Variants in GRIN3A observed in about 807,000 individuals in gnomAD.
GRIN3A encodes glutamate ionotropic receptor NMDA type subunit 3A.
In GRIN3A, 47 loss-of-function variants were observed where a neutral mutation model predicts 92.4. The observed-to-expected ratio is 0.51, with a 90% CI of 0.40 to 0.65. GRIN3A has a LOEUF of 0.65. GRIN3A is among the 30% of genes least tolerant of loss of function. The probability of loss-of-function intolerance (pLI) is 0.00; values close to 1 mark genes in which losing one functional copy is unlikely to be tolerated. For synonymous variants in GRIN3A, 527 were observed against 540.6 expected (o/e 0.97, Z 0.35); for missense variants, 1,324 against 1,393.1 (o/e 0.95, Z 0.79).
At chr9:101,661,171 C>T (rs766840320) in intron 3 of GRIN3A, among the ~76,000 whole-genome samples, 3 of 151,736 alleles carry the variant, frequency 2.0e-5, no homozygotes, top group African/African-American at 4.8e-5. Context: ...CACTTGAGGC[C>T]GCAGACAGCA....
At chr9:101,600,544 C>T (rs1828197789) in intron 6 of GRIN3A, among the ~76,000 whole-genome samples, 1 of 152,072 alleles carries the variant, frequency 6.6e-6, no homozygotes, top group Admixed American at 6.5e-5. Context: ...CAACAGAAAA[C>T]TTTTACTGGG....
chr9:101,725,014 G>A (rs949058895), intron 1 of GRIN3A, among the ~76,000 whole-genome samples: 3 of 152,204 alleles, frequency 2.0e-5, no homozygotes, highest in Non-Finnish European at 4.4e-5. Flanking sequence ...GAGATGGAAT[G>A]CTTTATTGAA....
At chr9:101,706,824 C>G (rs150340663) in intron 1 of GRIN3A, among the ~76,000 whole-genome samples, 3 of 152,156 alleles carry the variant, frequency 2.0e-5, no homozygotes, top group Admixed American at 1.3e-4. Flanking sequence ...AAATGTGGAA[C>G]GTTGCACACA....
intron 1 of GRIN3A, among the ~76,000 whole-genome samples, chr9:101,694,456 C>T (rs1482526412): frequency 6.6e-6 from 1 of 152,132 alleles, no homozygotes; most frequent in African/African-American, 2.4e-5. Context: ...CTACCTGCAC[C>T]AAGCTTCTAA....
chr9:101,680,075 G>A (rs756959644), intron 2 of GRIN3A, among the ~76,000 whole-genome samples: 1 of 152,214 alleles, frequency 6.6e-6, no homozygotes, highest in Non-Finnish European at 1.5e-5. Flanking sequence ...CTGCAAAGTA[G>A]TAGCTGAATG....
intron 1 of GRIN3A, among the ~76,000 whole-genome samples, chr9:101,700,389 G>A (rs908089867): frequency 1.3e-5 from 2 of 152,092 alleles, no homozygotes; most frequent in Admixed American, 6.6e-5. Flanking sequence ...CCATAAAATC[G>A]TATTCTATCA....
intron 5 of GRIN3A, among the ~76,000 whole-genome samples, chr9:101,614,610 T>A (rs1007026991): frequency 1.2e-5 from 1 of 82,198 alleles, no homozygotes; most frequent in Admixed American, 1.2e-4. Context: ...TATGTGATAC[T>A]TTTTTTTTTT....
chr9:101,614,608 A>AT (rs1564126676), intron 5 of GRIN3A, among the ~76,000 whole-genome samples: 2 of 128,336 alleles, frequency 1.6e-5, no homozygotes, highest in African/African-American at 6.0e-5. Context: ...TATATGTGAT[A>AT]CTTTTTTTTT....
chr9:101,715,495 G>T (rs934938303), intron 1 of GRIN3A, among the ~76,000 whole-genome samples: 1 of 152,142 alleles, frequency 6.6e-6, no homozygotes, highest in Non-Finnish European at 1.5e-5. Flanking sequence ...TGTAACAAAT[G>T]CTAGGATAAA....
rs904396547 is a variant in GRIN3A at position 101,623,544 on chromosome 9, G to A, written c.2499-111C>T. The A allele has an allele frequency of 3.4e-5, 26 of 757,476 alleles. 1 individual carries two copies. The highest frequency in any genetic ancestry group is 3.4e-4 in the Admixed American group (17 of 50,568). The allele number at this position is 757,476 out of a possible 1,614,324, so 46.9% of individuals were successfully genotyped here. ...GGACAGAACCCGAACACTAAGGGCC[G>A]CACAAGCTACCTAGGTGCTGACTTA... On this transcript the variant is annotated intron_variant, in intron 4 of 8. Transcript: ENST00000361820.
intron 7 of GRIN3A, among the ~76,000 whole-genome samples, chr9:101,578,482 G>A (rs72745328): frequency 0.08 from 12,158 of 152,308 alleles, 693 homozygotes; most frequent in Non-Finnish European, 0.12. Flanking sequence ...TGGAGGGCAG[G>A]AGGTGGTCTC....
intron 3 of GRIN3A, among the ~76,000 whole-genome samples, chr9:101,661,641 G>A (rs1672377616): frequency 6.6e-6 from 1 of 151,782 alleles, no homozygotes; most frequent in African/African-American, 2.4e-5. Flanking sequence ...TGGTTTCCAA[G>A]TTTTTGCTAT....
At chr9:101,644,932 A>G (rs942048709) in intron 3 of GRIN3A, among the ~76,000 whole-genome samples, 1 of 151,934 alleles carries the variant, frequency 6.6e-6, no homozygotes, top group Admixed American at 6.6e-5. Context: ...TGAGACATGC[A>G]TACAATATGT....
At chr9:101,714,146 G>A (rs1010895789) in intron 1 of GRIN3A, among the ~76,000 whole-genome samples, 23 of 152,098 alleles carry the variant, frequency 1.5e-4, no homozygotes, top group African/African-American at 5.6e-4. Flanking sequence ...GACGCATTAT[G>A]AAAACGATTT....
At chr9:101,631,729 T>G (rs554529417) in intron 3 of GRIN3A, among the ~76,000 whole-genome samples, 54 of 152,334 alleles carry the variant, frequency 3.5e-4, no homozygotes, top group African/African-American at 1.2e-3. Flanking sequence ...TTCTGAGAAT[T>G]GAAAGTTCCT....
chr9:101,668,567 A>G (rs1003240627), intron 3 of GRIN3A, among the ~76,000 whole-genome samples: 3 of 152,100 alleles, frequency 2.0e-5, no homozygotes, highest in Non-Finnish European at 4.4e-5. Flanking sequence ...CATCACCAAC[A>G]TCTCCCTTTA....
chr9:101,728,087 T>C (rs1394566469), intron 1 of GRIN3A, among the ~76,000 whole-genome samples: 2 of 152,108 alleles, frequency 1.3e-5, no homozygotes, highest in Non-Finnish European at 2.9e-5. Flanking sequence ...GAATCTCTGT[T>C]TAAGAATGTC....
intron 3 of GRIN3A, among the ~76,000 whole-genome samples, chr9:101,635,409 T>C (rs754469129): frequency 6.6e-6 from 1 of 152,208 alleles, no homozygotes; most frequent in Non-Finnish European, 1.5e-5. Flanking sequence ...AGAAAACATA[T>C]GGCCCACAAA....
intron 1 of GRIN3A, among the ~76,000 whole-genome samples, chr9:101,696,787 G>A (rs1157857617): frequency 6.6e-6 from 1 of 152,156 alleles, no homozygotes; most frequent in African/African-American, 2.4e-5. Flanking sequence ...GATGGCATAT[G>A]TCACATGCTA....
Sources: allele counts gnomAD v4.1 joint callset (sites outside exome capture counted in the v4.1 genomes callset), GRCh38; gene constraint gnomAD v4.1.1; transcripts MANE v1.5; gene names NCBI Gene and HGNC (gene_info 2026-07-23, HGNC 2026-07-21).